Variants in TMEM132D observed in about 807,000 individuals in gnomAD.
TMEM132D encodes transmembrane protein 132D, also known as mature OL transmembrane protein.
In TMEM132D, 21 loss-of-function variants were observed where a neutral mutation model predicts 62.3. That is an observed-to-expected ratio of 0.34 (90% CI 0.24 to 0.49). The LOEUF (loss-of-function observed/expected upper bound fraction) is 0.49, where lower values mean the gene tolerates loss of function less well. Ranked by LOEUF, TMEM132D falls within the 20% of genes least tolerant of loss-of-function variation. TMEM132D has a pLI of 0.99. For synonymous variants in TMEM132D, 621 were observed against 575.6 expected (o/e 1.08, Z -1.13); for missense variants, 1,346 against 1,402.8 (o/e 0.96, Z 0.65).
At position 129,796,963 on chromosome 12, in the gene TMEM132D, T is replaced by A. The variant is rs117618075; in HGVS notation, c.80-96265A>T. On this transcript the variant is annotated intron_variant, in intron 1 of 8. Transcript: ENST00000422113. ...CTCGTCTCAATGACCATCTCTTGCTTTAGAAGGCCTCTCTCAAATATTAGC... is the reference window on the plus strand; with the variant it reads ...CTCGTCTCAATGACCATCTCTTGCTATAGAAGGCCTCTCTCAAATATTAGC... Among the ~76,000 whole-genome samples, 9 of 152,312 alleles carry A rather than the reference T, an allele frequency of 5.9e-5. No individual in the cohort carries two copies. The East Asian group carries it at 1.2e-3, about 20-fold the overall frequency.
intron 4 of TMEM132D, among the ~76,000 whole-genome samples, chr12:129,318,140 G>A (rs1868546308): frequency 6.6e-6 from 1 of 151,958 alleles, no homozygotes; most frequent in South Asian, 2.1e-4. Context: ...CTCTTTTTCA[G>A]GTAAATCAGA....
intron 1 of TMEM132D, among the ~76,000 whole-genome samples, chr12:129,754,527 C>G (rs1467643676): frequency 2.0e-5 from 3 of 152,058 alleles, no homozygotes; most frequent in East Asian, 3.9e-4. Context: ...AGGGACCAGA[C>G]AAGAAGATGG....
chr12:129,249,921 G>A (rs1343064289), intron 4 of TMEM132D, among the ~76,000 whole-genome samples: 1 of 152,158 alleles, frequency 6.6e-6, no homozygotes, highest in Non-Finnish European at 1.5e-5. Context: ...GGCAGGAACA[G>A]CAGGCCCCGT....
intron 5 of TMEM132D, among the ~76,000 whole-genome samples, chr12:129,172,380 G>A (rs925291784): frequency 6.6e-6 from 1 of 152,228 alleles, no homozygotes; most frequent in Non-Finnish European, 1.5e-5. Flanking sequence ...GTTCACTGAA[G>A]TAGCATTTTT....
intron 4 of TMEM132D, among the ~76,000 whole-genome samples, chr12:129,305,081 G>T (rs1180238723): frequency 1.3e-5 from 2 of 152,156 alleles, no homozygotes; most frequent in Non-Finnish European, 2.9e-5. Flanking sequence ...CTTGGGGAAT[G>T]CCAGTACATC....
intron 1 of TMEM132D, among the ~76,000 whole-genome samples, chr12:129,785,169 C>T (rs1463680784): frequency 2.6e-5 from 4 of 152,092 alleles, no homozygotes; most frequent in South Asian, 2.1e-4. Context: ...GTGTAGGCGC[C>T]GTCCTAGGGG....
intron 1 of TMEM132D, among the ~76,000 whole-genome samples, chr12:129,809,060 C>G (rs1872083246): frequency 6.6e-6 from 1 of 152,146 alleles, no homozygotes. Flanking sequence ...GTAATCCCAG[C>G]ACTCTGGGAG....
intron 5 of TMEM132D, among the ~76,000 whole-genome samples, chr12:129,134,012 G>GATAT (rs34965433): frequency 3.3e-5 from 5 of 151,222 alleles, no homozygotes; most frequent in African/African-American, 1.2e-4. Context: ...AAGAGATGAA[G>GATAT]ATATATATAT....
chr12:129,792,180 C>A (rs1398082659), intron 1 of TMEM132D, among the ~76,000 whole-genome samples: 1 of 152,110 alleles, frequency 6.6e-6, no homozygotes, highest in African/African-American at 2.4e-5. Flanking sequence ...CGGGGCCAGC[C>A]CTGCTTAGCA....
chr12:129,763,666 G>A (rs999836855), intron 1 of TMEM132D, among the ~76,000 whole-genome samples: 6 of 152,058 alleles, frequency 3.9e-5, no homozygotes, highest in Non-Finnish European at 8.8e-5. Flanking sequence ...TGACTGCCCA[G>A]AAAAGTTTTC....
chr12:129,648,399 A>G (rs1565935946), intron 2 of TMEM132D, among the ~76,000 whole-genome samples: 1 of 152,112 alleles, frequency 6.6e-6, no homozygotes, highest in Non-Finnish European at 1.5e-5. Flanking sequence ...CCTAGCCTCC[A>G]AATTGTTGAG....
rs139104183 is a variant in TMEM132D, at chr12:129,614,805, G to A, written c.969-83600C>T. On this transcript the variant is annotated intron_variant, in intron 2 of 8. Transcript: ENST00000422113. The stretch of plus-strand genomic sequence containing the variant: ...TTCCAGCTCTCCCCGGAATCCAAAT[G>A]ATATGAGAAATGTGGATTTCATGTG... Among the ~76,000 whole-genome samples, 1,155 of 152,270 alleles carry A rather than the reference G, an allele frequency of 7.6e-3. 8 individuals are homozygous for A. Among genetic ancestry groups the A allele is most frequent in the Admixed American group, 0.013 (194 of 15,290 alleles).
At chr12:129,813,952 C>T (rs567768228) in intron 1 of TMEM132D, among the ~76,000 whole-genome samples, 3 of 152,144 alleles carry the variant, frequency 2.0e-5, no homozygotes, top group South Asian at 2.1e-4. Context: ...AATAAAAATA[C>T]AATACCAATG....
chr12:129,884,312 AAAC>A (rs1351435902), intron 1 of TMEM132D, among the ~76,000 whole-genome samples: 1 of 152,254 alleles, frequency 6.6e-6, no homozygotes, highest in Non-Finnish European at 1.5e-5. Flanking sequence ...ATGTTAAAAT[AAAC>A]AACATGCTAT....
chr12:129,794,196 C>A (rs372298784), intron 1 of TMEM132D, among the ~76,000 whole-genome samples: 1 of 150,774 alleles, frequency 6.6e-6, no homozygotes, highest in Non-Finnish European at 1.5e-5. Context: ...TAAAGCAATT[C>A]TCCTGCCTCA....
chr12:129,803,177 C>A (rs1348044271), intron 1 of TMEM132D, among the ~76,000 whole-genome samples: 1 of 151,626 alleles, frequency 6.6e-6, no homozygotes, highest in Non-Finnish European at 1.5e-5. Context: ...CTCAGCTCTG[C>A]ACCAAGCGGG....
At chr12:129,745,823 G>C (rs1419657642) in intron 1 of TMEM132D, among the ~76,000 whole-genome samples, 1 of 152,178 alleles carries the variant, frequency 6.6e-6, no homozygotes, top group Admixed American at 6.5e-5. Flanking sequence ...CTTGCAAAGA[G>C]TAAAAATGAT....
At chr12:129,753,731 T>C (rs965417755) in intron 1 of TMEM132D, among the ~76,000 whole-genome samples, 10 of 152,212 alleles carry the variant, frequency 6.6e-5, no homozygotes, top group African/African-American at 2.4e-4. Flanking sequence ...TTTGCGTGTT[T>C]CCTATTATGC....
intron 1 of TMEM132D, among the ~76,000 whole-genome samples, chr12:129,743,416 T>C (rs1961764813): frequency 6.6e-6 from 1 of 152,092 alleles, no homozygotes; most frequent in African/African-American, 2.4e-5. Context: ...AAGGGGCTTT[T>C]CCCCCTTTTA....
Sources: gnomAD v4.1 joint callset for allele counts (sites outside exome capture counted in the v4.1 genomes callset) on GRCh38, gnomAD v4.1.1 for gene constraint, MANE v1.5 for transcripts, NCBI Gene and HGNC (gene_info 2026-07-23, HGNC 2026-07-21) for gene names.